SLC16A14: variants seen among roughly 807,000 people sequenced by gnomAD.
The protein encoded by SLC16A14 is monocarboxylate transporter 14.
SLC16A14 carries 14 observed loss-of-function variants against 35.8 expected under a neutral mutation model. The ratio of observed to expected loss-of-function variants is 0.39; its 90% confidence interval spans 0.26 to 0.61. The LOEUF (loss-of-function observed/expected upper bound fraction) is 0.61. Ranked by LOEUF, SLC16A14 falls within the 20% of genes least tolerant of loss-of-function variation. SLC16A14 has a pLI of 0.51. For synonymous variants in SLC16A14, 248 were observed against 258.9 expected, an observed-to-expected ratio of 0.96 and a Z score of 0.40; for missense variants, 533 against 655.0, an observed-to-expected ratio of 0.81 and a Z score of 2.03.
intron 4 of SLC16A14, among the ~76,000 whole-genome samples, chr2:230,040,442 C>G (rs948355078): frequency 6.6e-6 from 1 of 152,110 alleles, no homozygotes; most frequent in Non-Finnish European, 1.5e-5. Flanking sequence ...AGGCTGGTCT[C>G]AAACTCCTGA....
intron 1 of SLC16A14, among the ~76,000 whole-genome samples, chr2:230,067,569 T>TCA (rs1229097473): frequency 1.8e-4 from 22 of 121,346 alleles, no homozygotes; most frequent in African/African-American, 6.7e-4. Flanking sequence ...TCTCTCTCTC[T>TCA]CTCACACACA....
At position 230,049,620 on chromosome 2, in the gene SLC16A14, G is replaced by A; in HGVS notation, c.403+141C>T. 2.4e-6 allele frequency: 2 copies of A among 841,096 alleles called. 1 individual carries two copies. Among genetic ancestry groups the A allele is most frequent in the Admixed American group, 5.2e-5 (2 of 38,318 alleles). 52.1% of individuals were successfully genotyped at this position (841,096 alleles called of 1,614,324 possible). The stretch of plus-strand genomic sequence containing the variant: ...AATGTTAAAATGTATTTCCAGGAGT[G>A]TAGGGAGGGGTTGGGGTGAAGTGGG... On this transcript the variant is annotated intron_variant, in intron 3 of 4. Coordinates refer to ENST00000295190, the MANE Select transcript of SLC16A14 (RefSeq NM_152527.5).
In SLC16A14 at chr2:230,038,603, TA is replaced by T. The variant is rs1197664657; in HGVS notation, c.1382-1073del. ...GTAAGTACATTAATTAGCAGAGACT[TA>T]AAATATAAATGATTTAGTGGCCAGG... On this transcript the variant is annotated intron_variant, in intron 4 of 4. Coordinates refer to ENST00000295190, the MANE Select transcript of SLC16A14 (RefSeq NM_152527.5). This position sits in a 1 kb window ranked among gnomAD's most constrained non-coding sequence, Gnocchi z 4.4. Among the ~76,000 whole-genome samples, 1 of 152,086 alleles carries T rather than the reference TA, an allele frequency of 6.6e-6. No individual in the cohort carries two copies. The highest frequency in any genetic ancestry group is 1.5e-5 in the Non-Finnish European group (1 of 67,998).
At chr2:230,067,178 T>TG (rs2077805150) in intron 1 of SLC16A14, 1 of 153,826 alleles carries the variant, frequency 6.5e-6, no homozygotes, top group South Asian at 2.0e-4. Flanking sequence ...AGGGCGCACT[T>TG]GCGGCCAGCA....
Position 230,037,543 on chromosome 2 carries a change from A to G in SLC16A14, c.1382-12T>C, listed in dbSNP as rs367750885. 95 of 1,587,290 alleles carry G rather than the reference A, an allele frequency of 6.0e-5. No individual in the cohort carries two copies. The African/African-American group carries it at 1.1e-3, about 19-fold the overall frequency. On this transcript the variant is annotated splice_polypyrimidine_tract_variant and intron_variant, in intron 4 of 4. Transcript: ENST00000295190. ...GTCATAGATCCACCCTACAAAACAA[A>G]AAAGAATATATTCAGTGTCATGGAG...
chr2:230,050,531 A>G (rs1000413305), intron 2 of SLC16A14, among the ~76,000 whole-genome samples: 1 of 152,244 alleles, frequency 6.6e-6, no homozygotes, highest in African/African-American at 2.4e-5. Flanking sequence ...AAGAACTGTT[A>G]TCGGGTCCTT....
rs546536028 is a variant in SLC16A14, at chr2:230,040,641, T to TA, written c.1382-3111dup. On this transcript the variant is annotated intron_variant, in intron 4 of 4. Transcript: ENST00000295190. Reference sequence around the variant, plus strand: ...AAACATAACTCATGTCAGTTTTTTTTAAAAAAAGCACATCCAACTTCACTG... The same window carrying TA: ...AAACATAACTCATGTCAGTTTTTTTTAAAAAAAAGCACATCCAACTTCACTG... Among the ~76,000 whole-genome samples, 466 of 152,228 alleles carry TA rather than the reference T, an allele frequency of 3.1e-3. 5 individuals are homozygous for TA. The highest frequency in any genetic ancestry group is 5.0e-3 in the Non-Finnish European group (342 of 68,014).
chr2:230,056,035 A>C (rs2077700994), intron 2 of SLC16A14, among the ~76,000 whole-genome samples: 1 of 152,234 alleles, frequency 6.6e-6, no homozygotes, highest in Non-Finnish European at 1.5e-5. Flanking sequence ...AACAATGCAG[A>C]TTTGAAGAAG....
intron 2 of SLC16A14, among the ~76,000 whole-genome samples, chr2:230,058,499 G>T (rs776851876): frequency 1.3e-5 from 2 of 152,142 alleles, no homozygotes; most frequent in Non-Finnish European, 2.9e-5. Flanking sequence ...AGGGAAGATG[G>T]GAATGGGGAA....
chr2:230,055,133 A>G (rs1012379560), intron 2 of SLC16A14, among the ~76,000 whole-genome samples: 61 of 152,314 alleles, frequency 4.0e-4, no homozygotes, highest in African/African-American at 1.4e-3. Context: ...TTCAACCTTC[A>G]GTAAGTTACT....
chr2:230,045,629 G>A (rs1245372116), intron 4 of SLC16A14, 116 bp downstream of exon 4: 8 of 1,116,024 alleles, frequency 7.2e-6, no homozygotes, highest in Middle Eastern at 2.0e-4. Flanking sequence ...GGGCAGGAAT[G>A]GGAAGATAAA....
At chr2:230,059,071 C>T (rs776384532) in intron 2 of SLC16A14, 23 bp downstream of exon 2, 112 of 1,558,804 alleles carry the variant, frequency 7.2e-5, no homozygotes, top group Middle Eastern at 1.7e-4. Flanking sequence ...TTCAGTTTTA[C>T]GACAGGTCAC....
chr2:230,061,151 G>A (rs2077749313), intron 1 of SLC16A14, among the ~76,000 whole-genome samples: 1 of 152,114 alleles, frequency 6.6e-6, no homozygotes, highest in African/African-American at 2.4e-5. Flanking sequence ...ATAAGCTGGA[G>A]GACTTAAAAA....
chr2:230,040,236 T>TTATTATTC (rs1350463985), intron 4 of SLC16A14, among the ~76,000 whole-genome samples: 1 of 126,114 alleles, frequency 7.9e-6, no homozygotes. Flanking sequence ...TATTATTATT[T>TTATTATTC]GGGACGGAGT....
rs754469326 is a variant in SLC16A14 at position 230,045,830 on chromosome 2, C to A, written c.1296G>T (p.Leu432Phe). 2 of 1,614,030 alleles carry A rather than the reference C, an allele frequency of 1.2e-6. No homozygotes were observed. Residue 432 changes from leucine to phenylalanine, a missense_variant, in exon 4 of 5, where the codon TTG (leucine) becomes TTT (phenylalanine). Coordinates refer to ENST00000295190, the MANE Select transcript of SLC16A14 (RefSeq NM_152527.5). The part of the protein sequence containing the change: ...FSLMPVVTED[L>F]VGIEHLANAY... ...CATTGGCCAGGTGTTCAATGCCAAC[C>A]AAGTCTTCAGTCACTACGGGCATTA...
intron 3 of SLC16A14, 52 bp downstream of exon 3, chr2:230,049,709 A>G (rs913363433): frequency 5.7e-6 from 9 of 1,588,218 alleles, no homozygotes; most frequent in Non-Finnish European, 7.8e-6. Context: ...TCCACTGCCA[A>G]GATGTCTTAT....
intron 1 of SLC16A14, among the ~76,000 whole-genome samples, chr2:230,064,390 G>A (rs187611630): frequency 8.4e-4 from 128 of 152,042 alleles, no homozygotes; most frequent in African/African-American, 3.0e-3. Context: ...GGCTAGAAAG[G>A]GATGGGGCAG....
Position 230,068,802 on chromosome 2 carries a change from C to G in SLC16A14, c.-262G>C, listed in dbSNP as rs181285079. 38 of 152,744 alleles carry G rather than the reference C, an allele frequency of 2.5e-4. 1 individual carries two copies. Among genetic ancestry groups the G allele is most frequent in the Admixed American group, 2.4e-3 (36 of 15,302 alleles). The allele number at this position is 152,744 out of a possible 1,614,324, so 9.5% of individuals were successfully genotyped here. ...GCGTTTGGTGGAGCTGAAAGCTCGACGCCTCAGTCCAGGTGGCTTTAAAAC... is the reference window on the plus strand; with the variant it reads ...GCGTTTGGTGGAGCTGAAAGCTCGAGGCCTCAGTCCAGGTGGCTTTAAAAC... On this transcript the variant is annotated 5_prime_UTR_variant, in exon 1 of 5. Coordinates refer to ENST00000295190, the MANE Select transcript of SLC16A14 (RefSeq NM_152527.5). The surrounding 1 kb of genome is among the most constrained non-coding windows in gnomAD (Gnocchi z 5.1).
At chr2:230,040,411 C>T (rs1333620293) in intron 4 of SLC16A14, among the ~76,000 whole-genome samples, 1 of 151,992 alleles carries the variant, frequency 6.6e-6, no homozygotes, top group Non-Finnish European at 1.5e-5. Flanking sequence ...TTAGTAGAGA[C>T]AGGGTTTCCC....
Sources: allele counts gnomAD v4.1 joint callset (sites outside exome capture counted in the v4.1 genomes callset), GRCh38; gene constraint gnomAD v4.1.1; non-coding constraint Gnocchi (gnomAD v3.1); transcripts MANE v1.5; gene names NCBI Gene and HGNC (gene_info 2026-07-23, HGNC 2026-07-21).